Variants in CTXN2 observed in about 807,000 individuals in gnomAD.
CTXN2 encodes cortexin 2.
In CTXN2, 3 loss-of-function variants were observed where a neutral mutation model predicts 5.7. The ratio of observed to expected loss-of-function variants is 0.53; its 90% CI spans 0.24 to 1.36. CTXN2 has a LOEUF of 1.36. Ranked by LOEUF, CTXN2 falls within the 40% of genes most tolerant of loss-of-function variation. The pLI, the probability that CTXN2 is intolerant of heterozygous loss-of-function variation, is 0.17. For synonymous variants in CTXN2, 38 were observed against 36.4 expected (o/e 1.04, Z -0.16); for missense variants, 87 against 93.0 (o/e 0.94, Z 0.26).
chr15:48,196,443 AGAT>A (rs1298626324), intron 1 of CTXN2, among the ~76,000 whole-genome samples: 2 of 152,034 alleles, frequency 1.3e-5, no homozygotes, highest in African/African-American at 4.8e-5. Context: ...AAACATGCGT[AGAT>A]TAAAGTGAAA....
chr15:48,182,109 TTC>T (rs140677674), intron 1 of CTXN2, among the ~76,000 whole-genome samples: 3 of 151,828 alleles, frequency 2.0e-5, no homozygotes, highest in South Asian at 2.1e-4. Flanking sequence ...TTTTCCTCCT[TTC>T]TCTCTCTCTC....
chr15:48,199,723 C>G (rs2040912581), intron 1 of CTXN2, among the ~76,000 whole-genome samples: 1 of 152,158 alleles, frequency 6.6e-6, no homozygotes, highest in South Asian at 2.1e-4. Context: ...AATACTACAA[C>G]AAGAACTCAA....
chr15:48,179,090 T>G (rs2040659182), intron 1 of CTXN2, among the ~76,000 whole-genome samples: 1 of 152,126 alleles, frequency 6.6e-6, no homozygotes. Flanking sequence ...TATGGAGTTT[T>G]AAAATACAGT....
upstream of CTXN2, among the ~76,000 whole-genome samples, chr15:48,188,803 G>T (rs1166092422): frequency 6.6e-6 from 1 of 152,140 alleles, no homozygotes; most frequent in African/African-American, 2.4e-5. Context: ...TTTTGTAAAA[G>T]TTGGGCAGTA....
Position 48,191,753 on chromosome 15 carries a change from C to G in CTXN2, c.-158C>G, listed in dbSNP as rs1260336740. ...GACTCTACGCAGGTTCCAGAACACGCCTTCTACATTTGTTACTGAACCGAT... is the reference window on the plus strand; with the variant it reads ...GACTCTACGCAGGTTCCAGAACACGGCTTCTACATTTGTTACTGAACCGAT... On this transcript the variant is annotated 5_prime_UTR_variant, in exon 1 of 2. Coordinates refer to ENST00000417307, the MANE Select transcript of CTXN2 (RefSeq NM_001145668.2). 6 of 456,046 alleles carry G rather than the reference C, an allele frequency of 1.3e-5. No homozygotes were observed. Among genetic ancestry groups the G allele is most frequent in the Admixed American group, 2.3e-5 (1 of 42,580 alleles). The allele number at this position is 456,046 out of a possible 1,614,324, so 28.2% of individuals were successfully genotyped here. A position where few individuals can be genotyped will look rare whatever the true frequency, so the allele number is the denominator to read the frequency against.
At chr15:48,201,167 C>T (rs1013474290) in intron 1 of CTXN2, 77 bp from the exon 2 acceptor site, 7 of 842,978 alleles carry the variant, frequency 8.3e-6, no homozygotes, top group South Asian at 1.9e-5. Context: ...GTTTGAAAAA[C>T]GTCAGATTTT....
At chr15:48,191,484 G>A (rs563777702), upstream of CTXN2, 1 of 281,402 alleles carries the variant, frequency 3.6e-6, no homozygotes, top group East Asian at 9.0e-5. Flanking sequence ...TGTTGCTGCT[G>A]GAGCTGATTC....
chr15:48,191,651 C>G (rs2040823858), upstream of CTXN2: 2 of 443,284 alleles, frequency 4.5e-6, no homozygotes, highest in South Asian at 1.6e-5. Flanking sequence ...CTTCGGCGGG[C>G]GCCCACGTCC....
At chr15:48,198,541 G>C (rs371495146) in intron 1 of CTXN2, among the ~76,000 whole-genome samples, 1 of 151,990 alleles carries the variant, frequency 6.6e-6, no homozygotes, top group East Asian at 1.9e-4. Context: ...AGTATTATTC[G>C]CTGTATGATG....
chr15:48,190,892 G>A (rs2040812991), upstream of CTXN2: 1 of 152,200 alleles, frequency 6.6e-6, no homozygotes, highest in South Asian at 2.1e-4. Flanking sequence ...ACGTCGGTTA[G>A]GTTTAGAATC....
intron 1 of CTXN2, among the ~76,000 whole-genome samples, chr15:48,184,928 CTG>C (rs1337013892): frequency 6.6e-6 from 1 of 151,968 alleles, no homozygotes; most frequent in Non-Finnish European, 1.5e-5. Context: ...GATAAATAAA[CTG>C]TGGCATATCC....
chr15:48,183,355 G>A (rs921627767), intron 1 of CTXN2, among the ~76,000 whole-genome samples: 2 of 152,182 alleles, frequency 1.3e-5, no homozygotes, highest in African/African-American at 4.8e-5. Context: ...ATGCTAAGTG[G>A]AAGCTCAGAG....
intron 1 of CTXN2, among the ~76,000 whole-genome samples, chr15:48,198,450 C>T (rs915360212): frequency 2.6e-5 from 4 of 152,018 alleles, no homozygotes; most frequent in Non-Finnish European, 5.9e-5. Context: ...ACTGTGATCA[C>T]TATGTGAGAA....
At chr15:48,199,653 C>A (rs1234325490) in intron 1 of CTXN2, among the ~76,000 whole-genome samples, 3 of 152,116 alleles carry the variant, frequency 2.0e-5, no homozygotes, top group Non-Finnish European at 4.4e-5. Context: ...AAAAGAAGTT[C>A]CAGTTAAGTC....
At chr15:48,186,367 C>G (rs1443604429) in intron 1 of CTXN2, among the ~76,000 whole-genome samples, 1 of 152,194 alleles carries the variant, frequency 6.6e-6, no homozygotes, top group Non-Finnish European at 1.5e-5. Flanking sequence ...ATTAACTACA[C>G]TAAAGTGTCA....
rs541666885 is a variant in CTXN2 at position 48,185,763 on chromosome 15, T to A, written c.-454-5694T>A. On this transcript the variant is annotated intron_variant, in intron 1 of 2. Coordinates refer to the CTXN2 transcript ENST00000644354. The stretch of plus-strand genomic sequence containing the variant: ...ATAAGCATTTTCAAGACAGATCGTA[T>A]GGTGAAATTAAGCCAAGAGGAAAAA... 4.6e-5 allele frequency among the ~76,000 whole-genome samples: 7 copies of A among 152,250 alleles called. No individual in the cohort carries two copies. The East Asian group carries it at 1.3e-3, about 29-fold the overall frequency.
chr15:48,193,388 C>A (rs1305480389), intron 1 of CTXN2, among the ~76,000 whole-genome samples: 1 of 59,674 alleles, frequency 1.7e-5, no homozygotes, highest in African/African-American at 2.9e-5. Context: ...TTTATTTTAC[C>A]CAATTTTGTG....
At chr15:48,196,017 T>C (rs2040876010) in intron 1 of CTXN2, among the ~76,000 whole-genome samples, 1 of 152,136 alleles carries the variant, frequency 6.6e-6, no homozygotes, top group Non-Finnish European at 1.5e-5. Flanking sequence ...TCAATGAAAG[T>C]ATAGTGAATA....
At chr15:48,193,869 A>G (rs1323548619) in intron 1 of CTXN2, among the ~76,000 whole-genome samples, 1 of 152,148 alleles carries the variant, frequency 6.6e-6, no homozygotes, top group African/African-American at 2.4e-5. Flanking sequence ...CAAGTTCTTC[A>G]TTTCACAGAG....
Sources: allele counts gnomAD v4.1 joint callset (sites outside exome capture counted in the v4.1 genomes callset), GRCh38; gene constraint gnomAD v4.1.1; transcripts MANE v1.5; gene names NCBI Gene and HGNC (gene_info 2026-07-23, HGNC 2026-07-21).